The following FLT1 variants were observed in gnomAD, a reference collection of about 807,000 sequenced individuals.
FLT1 encodes the protein fms related receptor tyrosine kinase 1.
In FLT1, 49 loss-of-function variants were observed where a neutral mutation model predicts 156.3. That is an observed-to-expected ratio of 0.31 (90% CI 0.25 to 0.40). The LOEUF is 0.40. Among genes scored for constraint, FLT1 ranks in the 10% least tolerant of loss-of-function variants. The pLI is 1.00. For synonymous variants in FLT1, 594 were observed against 583.8 expected, an observed-to-expected ratio of 1.02 and a Z score of -0.25; for missense variants, 1,322 against 1,637.2, an observed-to-expected ratio of 0.81 and a Z score of 3.32.
chr13:28,437,671 GA>G (rs1246554059), intron 4 of FLT1, among the ~76,000 whole-genome samples: 1 of 152,158 alleles, frequency 6.6e-6, no homozygotes, highest in Non-Finnish European at 1.5e-5. Flanking sequence ...ATAGTATGAA[GA>G]AAAGTTTCAC....
chr13:28,409,434 A>C (rs1394072369), intron 10 of FLT1, among the ~76,000 whole-genome samples: 1 of 151,448 alleles, frequency 6.6e-6, no homozygotes, highest in African/African-American at 2.4e-5. Context: ...TCCTGGGCTC[A>C]ACTGACCCTC....
chr13:28,337,731 G>A (rs564164077), intron 17 of FLT1, among the ~76,000 whole-genome samples: 7 of 152,346 alleles, frequency 4.6e-5, no homozygotes, highest in Non-Finnish European at 1.0e-4. Context: ...GGGAATTCTG[G>A]TAGAAGGATT....
intron 16 of FLT1, among the ~76,000 whole-genome samples, chr13:28,341,760 G>A (rs1460672931): frequency 6.6e-6 from 1 of 152,146 alleles, no homozygotes; most frequent in African/African-American, 2.4e-5. Flanking sequence ...CAGGCATTCT[G>A]TTTTTGAGAT....
intron 18 of FLT1, among the ~76,000 whole-genome samples, chr13:28,332,231 G>C (rs1484647114): frequency 6.6e-6 from 1 of 151,434 alleles, no homozygotes; most frequent in Non-Finnish European, 1.5e-5. Context: ...CTGTCTCTTA[G>C]AAGAAAAAAA....
At chr13:28,473,044 C>A (rs909570373) in intron 1 of FLT1, among the ~76,000 whole-genome samples, 2 of 152,058 alleles carry the variant, frequency 1.3e-5, no homozygotes, top group Non-Finnish European at 2.9e-5. Flanking sequence ...ATAAAAAACA[C>A]AGGGAGACAC....
chr13:28,398,844 C>G (rs1394243878), intron 11 of FLT1, among the ~76,000 whole-genome samples: 1 of 152,166 alleles, frequency 6.6e-6, no homozygotes, highest in Non-Finnish European at 1.5e-5. Flanking sequence ...AGAAGAATTT[C>G]CCTCCTTGAA....
chr13:28,365,310 T>G (rs1873251141), intron 14 of FLT1, among the ~76,000 whole-genome samples: 1 of 152,182 alleles, frequency 6.6e-6, no homozygotes, highest in Non-Finnish European at 1.5e-5. Flanking sequence ...ATTTGAATTT[T>G]CTCTTTCCTT....
intron 6 of FLT1, among the ~76,000 whole-genome samples, chr13:28,432,523 C>T (rs1877756521): frequency 6.6e-6 from 1 of 152,162 alleles, no homozygotes; most frequent in Admixed American, 6.5e-5. Flanking sequence ...AGAACTCATC[C>T]TGTGTTTTAG....
At chr13:28,408,456 A>G (rs1875940141) in intron 10 of FLT1, among the ~76,000 whole-genome samples, 1 of 152,138 alleles carries the variant, frequency 6.6e-6, no homozygotes, top group African/African-American at 2.4e-5. Flanking sequence ...CCTCTTTGTA[A>G]TTGGGGCTAT....
At chr13:28,441,034 C>G (rs1318570521) in intron 3 of FLT1, among the ~76,000 whole-genome samples, 2 of 152,134 alleles carry the variant, frequency 1.3e-5, no homozygotes, top group Non-Finnish European at 2.9e-5. Flanking sequence ...CGTCTCCCAA[C>G]AGATAGGAAA....
At chr13:28,448,454 C>T (rs1285238175) in intron 3 of FLT1, among the ~76,000 whole-genome samples, 1 of 152,178 alleles carries the variant, frequency 6.6e-6, no homozygotes. Context: ...CTGATACATG[C>T]ATGATACATG....
At chr13:28,327,860 G>A (rs1871754721) in intron 19 of FLT1, among the ~76,000 whole-genome samples, 2 of 152,016 alleles carry the variant, frequency 1.3e-5, no homozygotes, top group South Asian at 4.2e-4. Context: ...AGAGGCAAAA[G>A]CCAGCCTCCC....
chr13:28,319,244 T>G (rs1871338132), intron 24 of FLT1, among the ~76,000 whole-genome samples, 179 bp downstream of exon 24: 1 of 152,196 alleles, frequency 6.6e-6, no homozygotes, highest in African/African-American at 2.4e-5. Context: ...CCTTTTACAG[T>G]AGAGGGCAGA....
At chr13:28,345,422 T>C in intron 16 of FLT1, 23 bp downstream of exon 16, 4 of 1,399,166 alleles carry the variant, frequency 2.9e-6, no homozygotes, top group South Asian at 1.2e-5. Context: ...AAAAGGAGCA[T>C]AGAACATCAC....
At chr13:28,460,937 A>G (rs1168612986) in intron 3 of FLT1, among the ~76,000 whole-genome samples, 1 of 152,008 alleles carries the variant, frequency 6.6e-6, no homozygotes, top group African/African-American at 2.4e-5. Context: ...TTTGCAATTT[A>G]CTTGGATATT....
intron 3 of FLT1, 80 bp from the exon 4 acceptor site, chr13:28,438,425 TG>T: frequency 9.4e-7 from 1 of 1,062,708 alleles, no homozygotes; most frequent in Admixed American, 1.8e-5. Flanking sequence ...TAGTGTGGTA[TG>T]GTAGGCATTG....
At position 28,307,963 on chromosome 13, in the gene FLT1, T is replaced by G. The variant is rs375815614; in HGVS notation, c.3720+880A>C. On this transcript the variant is annotated intron_variant, in intron 28 of 29. Transcript: ENST00000282397. ...ATTTTTTTGTGTTTTTAGTAGAGAC[T>G]GGGTTTCACCATGTTAGCCAGGATG... 4.6e-5 allele frequency among the ~76,000 whole-genome samples: 7 copies of G among 152,276 alleles called. No homozygotes were observed. The South Asian group carries it at 8.3e-4, about 18-fold the overall frequency.
chr13:28,438,691 T>C (rs1878175866), intron 3 of FLT1, among the ~76,000 whole-genome samples: 2 of 152,212 alleles, frequency 1.3e-5, no homozygotes, highest in South Asian at 4.1e-4. Flanking sequence ...TCACCACAGC[T>C]ATGCTAAGTG....
chr13:28,340,214 TA>T (rs58243230), intron 16 of FLT1, among the ~76,000 whole-genome samples: 8,498 of 134,588 alleles, frequency 0.063, 618 homozygotes, highest in African/African-American at 0.19. Context: ...GACTCTGTCT[TA>T]AAAAAAAAAA....
Sources: allele counts gnomAD v4.1 joint callset (sites outside exome capture counted in the v4.1 genomes callset), GRCh38; gene constraint gnomAD v4.1.1; transcripts MANE v1.5; gene names NCBI Gene and HGNC (gene_info 2026-07-23, HGNC 2026-07-21).